Variants in UQCRH observed in about 807,000 individuals in gnomAD.
The protein encoded by UQCRH is ubiquinol-cytochrome c reductase hinge protein.
Under a neutral mutation model 16.3 loss-of-function variants are expected in UQCRH, and 14 were observed. The observed-to-expected ratio is 0.86, with a 90% CI of 0.57 to 1.34. UQCRH has a LOEUF of 1.34. Ranked by LOEUF, UQCRH falls within the 40% of genes most tolerant of loss-of-function variation. The probability of loss-of-function intolerance (pLI) is 0.00; values close to 1 mark genes in which losing one functional copy is unlikely to be tolerated. For synonymous variants in UQCRH, 41 were observed against 41.9 expected (o/e 0.98, Z 0.08); for missense variants, 89 against 111.9 (o/e 0.80, Z 0.92).
chr1:46,316,770 C>T lies in UQCRH; in HGVS notation c.*186C>T, dbSNP rs1661596554. 4 of 717,252 alleles carry T rather than the reference C, an allele frequency of 5.6e-6. No individual in the cohort carries two copies. The highest frequency in any genetic ancestry group is 3.1e-5 in the South Asian group (1 of 32,210). The allele number at this position is 717,252 out of a possible 1,614,324, so 44.4% of individuals were successfully genotyped here. A position where few individuals can be genotyped will look rare whatever the true frequency, so the allele number is the denominator to read the frequency against. On this transcript the variant is annotated 3_prime_UTR_variant, in exon 4 of 4. Coordinates refer to ENST00000311672, the MANE Select transcript of UQCRH (RefSeq NM_006004.4). ...TCCATCTAAATAAAAGTTCTATGAT[C>T]TGCAAACCTGCCCGTCTTTTTTTTT... is the stretch of plus-strand genomic sequence containing the variant.
intron 3 of UQCRH, among the ~76,000 whole-genome samples, chr1:46,313,545 C>T (rs1303501613): frequency 1.3e-5 from 2 of 152,104 alleles, no homozygotes; most frequent in Non-Finnish European, 2.9e-5. Context: ...TGGAGAATGG[C>T]GTGAACCCGG....
At chr1:46,312,648 G>C (rs1375569632) in intron 3 of UQCRH, among the ~76,000 whole-genome samples, 1 of 151,812 alleles carries the variant, frequency 6.6e-6, no homozygotes, top group Non-Finnish European at 1.5e-5. Flanking sequence ...AGGACCCCTT[G>C]ACCCCAGGAG....
intron 1 of UQCRH, 59 bp from the exon 2 acceptor site, chr1:46,309,042 A>G: frequency 1.9e-6 from 3 of 1,566,840 alleles, no homozygotes; most frequent in Non-Finnish European, 2.6e-6. Flanking sequence ...CATCAGTATG[A>G]TCAGGAATAA....
intron 1 of UQCRH, among the ~76,000 whole-genome samples, chr1:46,308,665 T>C (rs1557723909): frequency 6.6e-6 from 1 of 152,024 alleles, no homozygotes; most frequent in Non-Finnish European, 1.5e-5. Flanking sequence ...AATGAGACCT[T>C]GTCTCTACCA....
intron 1 of UQCRH, among the ~76,000 whole-genome samples, chr1:46,305,751 AAAATAAAT>A (rs148697121): frequency 6.9e-6 from 1 of 144,974 alleles, no homozygotes; most frequent in East Asian, 2.1e-4. Flanking sequence ...ACTCCGTCTC[AAAATAAAT>A]AAATAAATAA....
intron 3 of UQCRH, among the ~76,000 whole-genome samples, chr1:46,315,790 G>A (rs4660920): frequency 6.6e-6 from 1 of 151,920 alleles, no homozygotes; most frequent in African/African-American, 2.4e-5. Flanking sequence ...GATATGATTT[G>A]TATGAAATGT....
intron 3 of UQCRH, 104 bp from the exon 4 acceptor site, chr1:46,316,448 G>T: frequency 6.8e-7 from 1 of 1,465,378 alleles, no homozygotes; most frequent in Non-Finnish European, 9.4e-7. Flanking sequence ...GTGAGAAGGG[G>T]AGTGGTGAGA....
chr1:46,311,892 G>C (rs893403848), intron 3 of UQCRH, among the ~76,000 whole-genome samples: 1 of 149,128 alleles, frequency 6.7e-6, no homozygotes, highest in Non-Finnish European at 1.5e-5. Context: ...GCCTTCCAAA[G>C]TTCTGGGATT....
At chr1:46,309,237 G>A in intron 2 of UQCRH, 110 bp downstream of exon 2, 1 of 1,251,864 alleles carries the variant, frequency 8.0e-7, no homozygotes. Context: ...TAGATAATGG[G>A]GGTGGAATAA....
chr1:46,313,853 A>C (rs1448294132), intron 3 of UQCRH, among the ~76,000 whole-genome samples: 1 of 151,850 alleles, frequency 6.6e-6, no homozygotes, highest in Non-Finnish European at 1.5e-5. Flanking sequence ...AAAAAAAAAA[A>C]CAAGTTCTTT....
intron 1 of UQCRH, among the ~76,000 whole-genome samples, chr1:46,306,107 A>T (rs975392428): frequency 3.3e-5 from 5 of 152,080 alleles, no homozygotes; most frequent in African/African-American, 1.2e-4. Flanking sequence ...ACGCAAAATT[A>T]TTGAGGATTA....
chr1:46,316,598 A>G lies in UQCRH; in HGVS notation c.*14A>G. On this transcript the variant is annotated 3_prime_UTR_variant, in exon 4 of 4. Coordinates refer to ENST00000311672, the MANE Select transcript of UQCRH (RefSeq NM_006004.4). ...AACTTGAAATAAATGTGTGGACTTA[A>G]TTCACCCCAGTCTTCATCATCTGGG... 6.2e-7 allele frequency: 1 copy of G among 1,612,292 alleles called. No homozygotes were observed. The highest frequency in any genetic ancestry group is 1.1e-5 in the South Asian group (1 of 90,932).
Position 46,316,695 on chromosome 1 carries a change from A to G in UQCRH, c.*111A>G. On this transcript the variant is annotated 3_prime_UTR_variant, in exon 4 of 4. Coordinates refer to ENST00000311672, the MANE Select transcript of UQCRH (RefSeq NM_006004.4). ...TTTGTGTAACTGTAAGTTCACATGAACCTCATGGGTTTGGCTTAGGCTGGT... is the reference window on the plus strand; with the variant it reads ...TTTGTGTAACTGTAAGTTCACATGAGCCTCATGGGTTTGGCTTAGGCTGGT... The G allele has an allele frequency of 6.6e-7, 1 of 1,525,048 alleles. No individual in the cohort carries two copies. The allele number at this position is 1,525,048 out of a possible 1,614,324, so 94.5% of individuals were successfully genotyped here. A position where few individuals can be genotyped will look rare whatever the true frequency, so the allele number is the denominator to read the frequency against.
At chr1:46,316,488 G>A in intron 3 of UQCRH, 64 bp from the exon 4 acceptor site, 2 of 1,608,336 alleles carry the variant, frequency 1.2e-6, no homozygotes, top group Non-Finnish European at 1.7e-6. Flanking sequence ...AGGTCTTGAA[G>A]GACCTTGTAA....
chr1:46,310,002 AT>A, intron 2 of UQCRH, 152 bp from the exon 3 acceptor site: 2 of 1,496,076 alleles, frequency 1.3e-6, no homozygotes, highest in Non-Finnish European at 1.8e-6. Flanking sequence ...GCATTCTGCC[AT>A]TTCTGGCGGC....
chr1:46,307,499 A>G (rs1303404777), intron 1 of UQCRH, among the ~76,000 whole-genome samples: 1 of 152,140 alleles, frequency 6.6e-6, no homozygotes, highest in Non-Finnish European at 1.5e-5. Flanking sequence ...TTGCCCCCAA[A>G]TGTGGGTATC....
intron 1 of UQCRH, among the ~76,000 whole-genome samples, chr1:46,304,985 C>T (rs1051117552): frequency 1.3e-5 from 2 of 152,060 alleles, no homozygotes; most frequent in Admixed American, 6.6e-5. Context: ...CTTATTTATC[C>T]CTTAATTTTT....
At chr1:46,303,947 A>G in intron 1 of UQCRH, 127 bp downstream of exon 1, 1 of 1,224,642 alleles carries the variant, frequency 8.2e-7, no homozygotes, top group Non-Finnish European at 1.1e-6. Flanking sequence ...CGGGAGCTCT[A>G]GTTCCCTCGA....
chr1:46,311,762 G>GT (rs1299835146), intron 3 of UQCRH, among the ~76,000 whole-genome samples: 7 of 150,140 alleles, frequency 4.7e-5, no homozygotes, highest in South Asian at 2.1e-4. Flanking sequence ...CCGGCTAATG[G>GT]TTTTTTTGTT....
Sources: allele counts gnomAD v4.1 joint callset (sites outside exome capture counted in the v4.1 genomes callset), GRCh38; gene constraint gnomAD v4.1.1; transcripts MANE v1.5; gene names NCBI Gene and HGNC (gene_info 2026-07-23, HGNC 2026-07-21).